Variants in DUSP8 observed in about 807,000 individuals in gnomAD.
DUSP8 encodes dual specificity phosphatase 8.
A neutral mutation model predicts 38.7 loss-of-function variants in DUSP8; 15 were observed. That is an observed-to-expected ratio of 0.39 (90% CI 0.26 to 0.60). The LOEUF is 0.60. Ranked by LOEUF, DUSP8 falls within the 20% of genes least tolerant of loss-of-function variation. The pLI is 0.56. For synonymous variants in DUSP8, 458 were observed against 433.9 expected (o/e 1.06, Z -0.69); for missense variants, 768 against 915.0 (o/e 0.84, Z 2.07).
Position 1,566,518 on chromosome 11 carries a change from G to A in DUSP8, c.-108-584C>T, listed in dbSNP as rs928460461. 5.3e-5 allele frequency among the ~76,000 whole-genome samples: 8 copies of A among 152,264 alleles called. No individual in the cohort carries two copies. The South Asian group carries it at 1.0e-3, about 20-fold the overall frequency. On this transcript the variant is annotated intron_variant, in intron 1 of 6. Transcript: ENST00000397374. ...TGCCTCCACTGGAGAGTGGGCTCCCGGGGGCAGCCGGATAGCAGGCGGGTG... is the reference window on the plus strand; with the variant it reads ...TGCCTCCACTGGAGAGTGGGCTCCCAGGGGCAGCCGGATAGCAGGCGGGTG...
intron 1 of DUSP8, among the ~76,000 whole-genome samples, chr11:1,569,666 G>A (rs1848858407): frequency 6.6e-6 from 1 of 152,040 alleles, no homozygotes; most frequent in Admixed American, 6.6e-5. Context: ...ACGGGACCAG[G>A]GAGTCCCAGG....
At chr11:1,559,269 A>T (rs989914190) in intron 3 of DUSP8, 1 of 507,648 alleles carries the variant, frequency 2.0e-6, no homozygotes, top group African/African-American at 2.0e-5. Flanking sequence ...TACAGCCTGC[A>T]CCTACGCCCA....
At chr11:1,571,702 G>A (rs1181130361) in intron 1 of DUSP8, 199 bp downstream of exon 1, 1 of 151,668 alleles carries the variant, frequency 6.6e-6, no homozygotes, top group Non-Finnish European at 1.5e-5. Flanking sequence ...CGGGCGTTGC[G>A]GGGGGCGGGG....
chr11:1,568,715 C>T (rs1334973403), intron 1 of DUSP8, among the ~76,000 whole-genome samples: 4 of 152,206 alleles, frequency 2.6e-5, no homozygotes, highest in Non-Finnish European at 5.9e-5. Flanking sequence ...AACCTTCCTT[C>T]CCACTCCAGG....
At chr11:1,570,724 G>T (rs1012611268) in intron 1 of DUSP8, among the ~76,000 whole-genome samples, 1 of 152,140 alleles carries the variant, frequency 6.6e-6, no homozygotes, top group East Asian at 1.9e-4. Context: ...TCTGCCATCC[G>T]CATCCAGTGC....
Position 1,569,099 on chromosome 11 carries a change from C to T in DUSP8, c.-109+2802G>A, listed in dbSNP as rs563052345. 3.0e-4 allele frequency among the ~76,000 whole-genome samples: 45 copies of T among 152,282 alleles called. No homozygotes were observed. In the South Asian group the frequency reaches 4.1e-3, roughly 14 times the overall value. ...TGTTGGTTCCATGCCTCTCCTTTCA[C>T]GGCCCCACATGCCAAGCCCTCCTGA... On this transcript the variant is annotated intron_variant, in intron 1 of 6. Coordinates refer to ENST00000397374, the MANE Select transcript of DUSP8 (RefSeq NM_004420.3).
In DUSP8 at chr11:1,554,406, G is replaced by A. The variant is rs1425818977; in HGVS notation, c.*2112C>T. 1 of 152,602 alleles carries A rather than the reference G, an allele frequency of 6.6e-6. No homozygotes were observed. Among genetic ancestry groups the A allele is most frequent in the Non-Finnish European group, 1.5e-5 (1 of 68,376 alleles). The allele number at this position is 152,602 out of a possible 1,614,324, so 9.5% of individuals were successfully genotyped here. A position where few individuals can be genotyped will look rare whatever the true frequency, so the allele number is the denominator to read the frequency against. On this transcript the variant is annotated 3_prime_UTR_variant, in exon 7 of 7. Transcript: ENST00000397374. ...GCACTGGAGGAGGCAGTGGCCAGGT[G>A]GGAGGGGCCGGAGAGAGGCTTGGAG... is the stretch of plus-strand genomic sequence containing the variant.
intron 1 of DUSP8, among the ~76,000 whole-genome samples, chr11:1,571,008 T>G (rs577800513): frequency 8.4e-6 from 1 of 119,360 alleles, no homozygotes; most frequent in Admixed American, 9.7e-5. Context: ...CCCTCCTCCA[T>G]CCCACAGTGT....
In DUSP8 at chr11:1,558,021, A is replaced by G. The variant is rs1848662824; in HGVS notation, c.697+91T>C. ...CGCCCAACTGCCAACAGTTCCGGCT[A>G]CTTCCTGGGGACCCCTCCTGTGTCT... On this transcript the variant is annotated intron_variant, in intron 5 of 6. Transcript: ENST00000397374. This position sits in a 1 kb window ranked among gnomAD's most constrained non-coding sequence, Gnocchi z 6.3. 6.2e-7 allele frequency: 1 copy of G among 1,610,536 alleles called. No individual in the cohort carries two copies. Among genetic ancestry groups the G allele is most frequent in the Non-Finnish European group, 8.5e-7 (1 of 1,178,278 alleles).
At position 1,554,662 on chromosome 11, in the gene DUSP8, A is replaced by G; in HGVS notation, c.*1856T>C. The G allele has an allele frequency of 1.0e-6, 1 of 985,674 alleles. No individual in the cohort carries two copies. The highest frequency in any genetic ancestry group is 1.1e-4 in the East Asian group (1 of 8,792). The allele number at this position is 985,674 out of a possible 1,614,324, so 61.1% of individuals were successfully genotyped here. On this transcript the variant is annotated 3_prime_UTR_variant, in exon 7 of 7. Transcript: ENST00000397374. Reference sequence around the variant, plus strand: ...GGGGAAGGGAGAAGGGGGCCCAACCAGTGGCCCCAGACCACTGTCTCCCGG... The same window carrying G: ...GGGGAAGGGAGAAGGGGGCCCAACCGGTGGCCCCAGACCACTGTCTCCCGG...
chr11:1,560,882 T>C (rs1272858615), intron 3 of DUSP8, among the ~76,000 whole-genome samples: 1 of 152,150 alleles, frequency 6.6e-6, no homozygotes, highest in East Asian at 1.9e-4. Context: ...GAGGAGGTGC[T>C]GGGGATTCCA....
Position 1,558,865 on chromosome 11 carries a change from C to G in DUSP8, c.537+24G>C. ...TCCTGCCCCTTTCCCATTGACCACC[C>G]CCCGAACTCCACTGCACACACACCT... On this transcript the variant is annotated intron_variant, in intron 4 of 6. Coordinates refer to ENST00000397374, the MANE Select transcript of DUSP8 (RefSeq NM_004420.3). The surrounding 1 kb of genome is among the most constrained non-coding windows in gnomAD (Gnocchi z 6.3). 6.3e-7 allele frequency: 1 copy of G among 1,582,810 alleles called. No individual in the cohort carries two copies.
At chr11:1,571,521 C>A (rs1350888151) in intron 1 of DUSP8, 1 of 152,264 alleles carries the variant, frequency 6.6e-6, no homozygotes, top group African/African-American at 2.4e-5. Context: ...GTTCTGGCCC[C>A]CGCGGGGGTG....
chr11:1,557,022 CCGGGGCCGCCGG>C lies in DUSP8; in HGVS notation c.1362_1373del (p.Arg455_Arg458del), dbSNP rs1398610355. On this transcript the variant is annotated inframe_deletion, in exon 7 of 7. Coordinates refer to ENST00000397374, the MANE Select transcript of DUSP8 (RefSeq NM_004420.3). The surrounding 1 kb of genome is among the most constrained non-coding windows in gnomAD (Gnocchi z 9.9). ...AGCGCGCGGGGGAGCCGGCGGGGGG[CCGGGGCCGCCGG>C]CGGGGCCGTGGGCGCGCCTCAGGCG... The C allele has an allele frequency of 5.8e-6, 6 of 1,036,598 alleles. No homozygotes were observed. Among genetic ancestry groups the C allele is most frequent in the African/African-American group, 1.7e-5 (1 of 57,676 alleles). The allele number at this position is 1,036,598 out of a possible 1,614,324, so 64.2% of individuals were successfully genotyped here.
rs1381592812 is a variant in DUSP8, at chr11:1,557,663, G to A, written c.822-89C>T. The A allele has an allele frequency of 9.0e-6, 14 of 1,547,856 alleles. No individual in the cohort carries two copies. The highest frequency in any genetic ancestry group is 2.3e-5 in the East Asian group (1 of 43,766). ...GCTGGGCACCCACGAGCTCATGTGCGCCAGGCTGGTCTCAGGCCCTCCTCC... is the reference window on the plus strand; with the variant it reads ...GCTGGGCACCCACGAGCTCATGTGCACCAGGCTGGTCTCAGGCCCTCCTCC... On this transcript the variant is annotated intron_variant, in intron 6 of 6. Coordinates refer to ENST00000397374, the MANE Select transcript of DUSP8 (RefSeq NM_004420.3). The surrounding 1 kb of genome is among the most constrained non-coding windows in gnomAD (Gnocchi z 9.9).
rs1848673359 is a variant in DUSP8, at chr11:1,558,678, G to A, written c.537+211C>T. 6.6e-6 allele frequency among the ~76,000 whole-genome samples: 1 copy of A among 152,122 alleles called. No homozygotes were observed. The highest frequency in any genetic ancestry group is 2.1e-4 in the South Asian group (1 of 4,830). ...CCCGCTCCTCCCCCGAGCCCTGCCGGGCCCTCCCGCAAGCCCTGCTGTGGT... is the reference window on the plus strand; with the variant it reads ...CCCGCTCCTCCCCCGAGCCCTGCCGAGCCCTCCCGCAAGCCCTGCTGTGGT... On this transcript the variant is annotated intron_variant, in intron 4 of 6. Transcript: ENST00000397374. The surrounding 1 kb of genome is among the most constrained non-coding windows in gnomAD (Gnocchi z 6.3).
In DUSP8 at chr11:1,560,179, G is replaced by A. The variant is rs188519181; in HGVS notation, c.371-1124C>T. On this transcript the variant is annotated intron_variant, in intron 3 of 6. Coordinates refer to ENST00000397374, the MANE Select transcript of DUSP8 (RefSeq NM_004420.3). ...CCCCATGGCAAGCCGGCTCCTGCTT[G>A]TGCAGAGCCTGAGGCAGCTGGGCTG... 7.1e-3 allele frequency among the ~76,000 whole-genome samples: 1,083 copies of A among 152,276 alleles called. 13 individuals carry two copies. Among genetic ancestry groups the A allele is most frequent in the African/African-American group, 0.024 (1,016 of 41,554 alleles).
rs370178103 is a variant in DUSP8 at position 1,565,806 on chromosome 11, C to T, written c.21G>A (p.Pro7=). MAGDRL[P]RKVMDAKKLA... ...GCTTCTTGGCATCCATCACCTTCCT[C>T]GGGAGCCGGTCCCCAGCCATGGTGG... The change falls in exon 2 of 7, where the codon CCG becomes CCA. Residue 7 remains proline, a synonymous_variant. Coordinates refer to ENST00000397374, the MANE Select transcript of DUSP8 (RefSeq NM_004420.3). 25 of 1,607,060 alleles carry T rather than the reference C, an allele frequency of 1.6e-5. No individual in the cohort carries two copies. The highest frequency in any genetic ancestry group is 1.2e-4 in the Admixed American group (7 of 59,932).
chr11:1,571,197 C>T (rs1305640662), intron 1 of DUSP8, among the ~76,000 whole-genome samples: 1 of 152,200 alleles, frequency 6.6e-6, no homozygotes, highest in Admixed American at 6.5e-5. Context: ...TGGTCTGCTC[C>T]GCATCCCAGG....
Sources: allele counts gnomAD v4.1 joint callset (sites outside exome capture counted in the v4.1 genomes callset), GRCh38; gene constraint gnomAD v4.1.1; non-coding constraint Gnocchi (gnomAD v3.1); transcripts MANE v1.5; gene names NCBI Gene and HGNC (gene_info 2026-07-23, HGNC 2026-07-21).